NEGR1: variants seen among roughly 807,000 people sequenced by gnomAD.
The protein encoded by NEGR1 is neuronal growth regulator 1.
In NEGR1, 10 loss-of-function variants were observed where a neutral mutation model predicts 40.9. The observed-to-expected ratio is 0.24, with a 90% CI of 0.15 to 0.42. The LOEUF (loss-of-function observed/expected upper bound fraction) is 0.42, where lower values mean the gene tolerates loss of function less well. Ranked by LOEUF, NEGR1 falls within the 10% of genes least tolerant of loss-of-function variation. NEGR1 has a pLI of 1.00. For missense variants in NEGR1, 352 were observed against 438.9 expected (o/e 0.80, Z 1.77); for synonymous variants, 185 against 166.8 (o/e 1.11, Z -0.84).
At chr1:72,262,305 C>G (rs753698189) in intron 1 of NEGR1, among the ~76,000 whole-genome samples, 1 of 151,978 alleles carries the variant, frequency 6.6e-6, no homozygotes, top group African/African-American at 2.4e-5. Context: ...CTGTGCCCTG[C>G]CTGAGTTCTG....
intron 3 of NEGR1, among the ~76,000 whole-genome samples, chr1:71,707,874 C>A (rs1383434603): frequency 1.3e-5 from 2 of 152,148 alleles, no homozygotes; most frequent in African/African-American, 4.8e-5. Flanking sequence ...AATTCAGAGA[C>A]TTCTCTTGCA....
At chr1:71,839,090 A>G (rs971278493) in intron 2 of NEGR1, among the ~76,000 whole-genome samples, 7 of 151,422 alleles carry the variant, frequency 4.6e-5, no homozygotes, top group Admixed American at 4.0e-4. Context: ...CAAAACTTCT[A>G]TGATCATCAG....
chr1:71,444,464 G>A (rs541028166), intron 6 of NEGR1, among the ~76,000 whole-genome samples: 14 of 152,036 alleles, frequency 9.2e-5, no homozygotes, highest in East Asian at 1.9e-4. Context: ...TCAGATTTCC[G>A]TTTCTATGTC....
chr1:71,464,057 A>G (rs766374273), intron 6 of NEGR1, among the ~76,000 whole-genome samples: 1 of 152,122 alleles, frequency 6.6e-6, no homozygotes, highest in Non-Finnish European at 1.5e-5. Flanking sequence ...TTAATATCCC[A>G]GTTGGATTTA....
At chr1:71,566,329 C>T (rs1002294156) in intron 6 of NEGR1, among the ~76,000 whole-genome samples, 1 of 151,936 alleles carries the variant, frequency 6.6e-6, no homozygotes, top group Non-Finnish European at 1.5e-5. Context: ...TAGGGTAAAA[C>T]ATTTTATAGT....
chr1:72,087,549 T>C (rs1190652504), intron 1 of NEGR1, among the ~76,000 whole-genome samples: 2 of 151,796 alleles, frequency 1.3e-5, no homozygotes, highest in Admixed American at 6.6e-5. Context: ...CCATCAGAAC[T>C]ACAGTGATAG....
chr1:71,474,439 C>T (rs565311273), intron 6 of NEGR1, among the ~76,000 whole-genome samples: 23 of 149,466 alleles, frequency 1.5e-4, no homozygotes, highest in Non-Finnish European at 2.5e-4. Context: ...TTTGGGAGGT[C>T]GAGGTGGGTG....
At chr1:71,554,030 C>T (rs1648171485) in intron 6 of NEGR1, among the ~76,000 whole-genome samples, 1 of 151,356 alleles carries the variant, frequency 6.6e-6, no homozygotes, top group Non-Finnish European at 1.5e-5. Flanking sequence ...AAATGAAGAT[C>T]CATTGCTTTA....
chr1:71,887,473 C>G (rs1660754344), intron 2 of NEGR1, among the ~76,000 whole-genome samples: 1 of 152,130 alleles, frequency 6.6e-6, no homozygotes, highest in Non-Finnish European at 1.5e-5. Flanking sequence ...ATTCCTTGTA[C>G]TAGGATTTTT....
rs368150568 is a variant in NEGR1 at position 71,611,020 on chromosome 1, C to T, written c.788+6G>A. On this transcript the variant is annotated splice_donor_region_variant and intron_variant, in intron 5 of 6. Coordinates refer to ENST00000357731, the MANE Select transcript of NEGR1 (RefSeq NM_173808.3). The stretch of plus-strand genomic sequence containing the variant: ...TAGAACACAGTAATAATCACAAAGT[C>T]CTCACTTCTTCTCTCCTTTGTACCA... 82 of 1,613,236 alleles carry T rather than the reference C, an allele frequency of 5.1e-5. No individual in the cohort carries two copies. In the African/African-American group the frequency reaches 9.8e-4, roughly 19 times the overall value.
chr1:71,894,921 A>G (rs924975874), intron 2 of NEGR1, among the ~76,000 whole-genome samples: 3 of 151,842 alleles, frequency 2.0e-5, no homozygotes, highest in African/African-American at 7.2e-5. Context: ...TCCATCTCCA[A>G]ATTTTTTTTT....
intron 1 of NEGR1, among the ~76,000 whole-genome samples, chr1:72,076,890 C>CTTTTTTT (rs56943357): frequency 3.0e-5 from 3 of 101,686 alleles, no homozygotes; most frequent in African/African-American, 1.2e-4. Flanking sequence ...CTCATTTATC[C>CTTTTTTT]TTTTTTTTTT....
intron 1 of NEGR1, among the ~76,000 whole-genome samples, chr1:72,130,374 C>T (rs1280951538): frequency 2.6e-5 from 4 of 152,130 alleles, no homozygotes; most frequent in African/African-American, 9.7e-5. Context: ...AATCATTAAA[C>T]CTTTTATAAC....
At position 71,403,262 on chromosome 1, in the gene NEGR1, A is replaced by T. The variant is rs897144821; in HGVS notation, c.*4184T>A. 6 of 151,958 alleles carry T rather than the reference A, an allele frequency of 3.9e-5. No individual in the cohort carries two copies. Among genetic ancestry groups the T allele is most frequent in the Admixed American group, 3.9e-4 (6 of 15,224 alleles). The allele number at this position is 151,958 out of a possible 1,614,324, so 9.4% of individuals were successfully genotyped here. On this transcript the variant is annotated 3_prime_UTR_variant, in exon 7 of 7. Coordinates refer to ENST00000357731, the MANE Select transcript of NEGR1 (RefSeq NM_173808.3). ...ACGTGTTTTGCTTGGAAACCAAGGT[A>T]TTTTTAAGGAAATTGTATCTGAATA...
intron 1 of NEGR1, among the ~76,000 whole-genome samples, chr1:71,983,848 T>A (rs191376257): frequency 6.7e-4 from 102 of 152,316 alleles, no homozygotes; most frequent in Non-Finnish European, 1.2e-3. Context: ...ACTTATTTTT[T>A]CTATTCATAA....
intron 4 of NEGR1, among the ~76,000 whole-genome samples, chr1:71,629,550 T>C (rs1428291536): frequency 6.6e-6 from 1 of 151,960 alleles, no homozygotes; most frequent in Non-Finnish European, 1.5e-5. Flanking sequence ...TATTGGTGTA[T>C]AGGAATGCTT....
Position 71,401,495 on chromosome 1 carries a change from T to C in NEGR1, c.*5951A>G, listed in dbSNP as rs1273186381. 4 of 152,230 alleles carry C rather than the reference T, an allele frequency of 2.6e-5. No homozygotes were observed. The highest frequency in any genetic ancestry group is 5.9e-5 in the Non-Finnish European group (4 of 68,034). The allele number at this position is 152,230 out of a possible 1,614,324, so 9.4% of individuals were successfully genotyped here. On this transcript the variant is annotated 3_prime_UTR_variant, in exon 7 of 7. Transcript: ENST00000357731. Reference sequence around the variant, plus strand: ...CCATAGGATTTGTATTATATTCATATTTTGAAAACAAAGTACAAATGTATT... The same window carrying C: ...CCATAGGATTTGTATTATATTCATACTTTGAAAACAAAGTACAAATGTATT...
chr1:71,795,382 C>A (rs1657283521), intron 2 of NEGR1, among the ~76,000 whole-genome samples: 1 of 151,894 alleles, frequency 6.6e-6, no homozygotes, highest in African/African-American at 2.4e-5. Flanking sequence ...AGAAGCATTG[C>A]CCTGGACTAA....
At chr1:71,760,961 T>G (rs149479929) in intron 3 of NEGR1, among the ~76,000 whole-genome samples, 1 of 152,338 alleles carries the variant, frequency 6.6e-6, no homozygotes, top group African/African-American at 2.4e-5. Context: ...TTTTCGTAAT[T>G]AATTTAAACA....
Sources: allele counts gnomAD v4.1 joint callset (sites outside exome capture counted in the v4.1 genomes callset), GRCh38; gene constraint gnomAD v4.1.1; transcripts MANE v1.5; gene names NCBI Gene and HGNC (gene_info 2026-07-23, HGNC 2026-07-21).